The following CDH13 variants were observed in gnomAD, a reference collection of about 807,000 sequenced individuals.
CDH13 encodes the protein cadherin-13.
A neutral mutation model predicts 63.8 loss-of-function variants in CDH13; 24 were observed. The ratio of observed to expected loss-of-function variants is 0.38; its 90% CI spans 0.27 to 0.53. The LOEUF (loss-of-function observed/expected upper bound fraction) is 0.53, where lower values mean the gene tolerates loss of function less well. Ranked by LOEUF, CDH13 falls within the 20% of genes least tolerant of loss-of-function variation. The pLI, the probability that CDH13 is intolerant of heterozygous loss-of-function variation, is 0.85. For missense variants in CDH13, 1,049 were observed against 903.1 expected, an observed-to-expected ratio of 1.16 and a Z score of -2.07; for synonymous variants, 503 against 355.3, an observed-to-expected ratio of 1.42 and a Z score of -4.67.
intron 8 of CDH13, among the ~76,000 whole-genome samples, chr16:83,662,893 A>C (rs1913571839): frequency 6.6e-6 from 1 of 152,182 alleles, no homozygotes; most frequent in Non-Finnish European, 1.5e-5. Context: ...CGGAGGATTG[A>C]GAGCAGGACT....
chr16:83,365,194 G>C (rs1403607362), intron 6 of CDH13, among the ~76,000 whole-genome samples: 1 of 152,218 alleles, frequency 6.6e-6, no homozygotes, highest in Admixed American at 6.5e-5. Flanking sequence ...CTGAGAACCA[G>C]AGAGCTGATG....
chr16:82,904,707 C>T (rs974261387), intron 2 of CDH13, among the ~76,000 whole-genome samples: 5 of 152,284 alleles, frequency 3.3e-5, no homozygotes, highest in African/African-American at 9.6e-5. Flanking sequence ...CCTCTCCCAT[C>T]ACAGCATAAT....
At chr16:83,343,346 T>C (rs1293282840) in intron 5 of CDH13, among the ~76,000 whole-genome samples, 1 of 152,224 alleles carries the variant, frequency 6.6e-6, no homozygotes, top group Non-Finnish European at 1.5e-5. Flanking sequence ...TATTGTAATA[T>C]GTTGTTACAC....
chr16:82,969,653 C>G (rs1237225387), intron 2 of CDH13, among the ~76,000 whole-genome samples: 2 of 152,116 alleles, frequency 1.3e-5, no homozygotes, highest in Non-Finnish European at 2.9e-5. Flanking sequence ...CCTCTACACA[C>G]TGGATACCAC....
intron 2 of CDH13, among the ~76,000 whole-genome samples, chr16:82,937,990 A>T (rs538806069): frequency 6.6e-6 from 1 of 152,356 alleles, no homozygotes; most frequent in East Asian, 1.9e-4. Context: ...TAACCCTGTA[A>T]CAATGGAATT....
At chr16:83,313,666 A>AAAAAAAAAT (rs1555528954) in intron 5 of CDH13, among the ~76,000 whole-genome samples, 8 of 144,208 alleles carry the variant, frequency 5.5e-5, no homozygotes, top group Non-Finnish European at 4.6e-5. Context: ...AAAAAAAAAA[A>AAAAAAAAAT]GGGAGGTCCT....
intron 3 of CDH13, among the ~76,000 whole-genome samples, chr16:83,104,896 A>T (rs1490720641): frequency 6.6e-6 from 1 of 152,228 alleles, no homozygotes; most frequent in Non-Finnish European, 1.5e-5. Context: ...AGTTCTGGCA[A>T]TGAGTGCTTC....
At chr16:83,283,913 G>A (rs904331128) in intron 5 of CDH13, among the ~76,000 whole-genome samples, 1 of 151,910 alleles carries the variant, frequency 6.6e-6, no homozygotes, top group African/African-American at 2.4e-5. Flanking sequence ...TTACATTTTT[G>A]TAATGTGTGT....
intron 2 of CDH13, among the ~76,000 whole-genome samples, chr16:83,010,982 C>T (rs531523698): frequency 2.6e-5 from 4 of 152,290 alleles, no homozygotes; most frequent in East Asian, 3.9e-4. Context: ...ACTTCTAATG[C>T]GTAGAACATG....
chr16:83,106,459 A>C (rs2034769706), intron 3 of CDH13, among the ~76,000 whole-genome samples: 1 of 152,182 alleles, frequency 6.6e-6, no homozygotes, highest in Admixed American at 6.5e-5. Context: ...GAGAATAACT[A>C]GAATCCAGGA....
chr16:83,170,610 A>G (rs1464911866), intron 4 of CDH13, among the ~76,000 whole-genome samples: 1 of 152,148 alleles, frequency 6.6e-6, no homozygotes, highest in Non-Finnish European at 1.5e-5. Context: ...CTTCAAAGAT[A>G]TTTTAGTGAG....
chr16:83,340,389 A>G (rs1480816490), intron 5 of CDH13, among the ~76,000 whole-genome samples: 1 of 151,976 alleles, frequency 6.6e-6, no homozygotes, highest in African/African-American at 2.4e-5. Flanking sequence ...TGGCCTGTGT[A>G]CTTGGGAGTG....
At chr16:83,466,337 T>C (rs868705101) in intron 6 of CDH13, among the ~76,000 whole-genome samples, 1 of 152,144 alleles carries the variant, frequency 6.6e-6, no homozygotes, top group African/African-American at 2.4e-5. Context: ...TATTAGGGGC[T>C]TACATCCAGG....
chr16:83,442,006 C>T (rs943568441), intron 6 of CDH13, among the ~76,000 whole-genome samples: 10 of 152,078 alleles, frequency 6.6e-5, no homozygotes, highest in South Asian at 2.1e-4. Context: ...CAGGTCACAC[C>T]ATAAGAGCTG....
At chr16:82,787,067 T>C (rs1669634627) in intron 1 of CDH13, among the ~76,000 whole-genome samples, 1 of 152,204 alleles carries the variant, frequency 6.6e-6, no homozygotes, top group African/African-American at 2.4e-5. Flanking sequence ...TAAAGTAACA[T>C]ATAATTCACC....
intron 7 of CDH13, among the ~76,000 whole-genome samples, chr16:83,597,442 T>G (rs1222912264): frequency 6.6e-6 from 1 of 152,200 alleles, no homozygotes; most frequent in Non-Finnish European, 1.5e-5. Context: ...TATATAAATG[T>G]GTATATTAAA....
chr16:83,110,126 A>C (rs2034988896), intron 3 of CDH13, among the ~76,000 whole-genome samples: 1 of 152,204 alleles, frequency 6.6e-6, no homozygotes, highest in South Asian at 2.1e-4. Flanking sequence ...AACTTTTCAA[A>C]TATAGAGCTG....
At chr16:83,070,818 A>T (rs2032374577) in intron 3 of CDH13, among the ~76,000 whole-genome samples, 1 of 151,784 alleles carries the variant, frequency 6.6e-6, no homozygotes, top group Non-Finnish European at 1.5e-5. Flanking sequence ...ATAGTATATA[A>T]ATCAGGCAGG....
At chr16:83,163,276 G>T (rs2037523992) in intron 4 of CDH13, among the ~76,000 whole-genome samples, 1 of 151,900 alleles carries the variant, frequency 6.6e-6, no homozygotes, top group African/African-American at 2.4e-5. Context: ...GCAAAAAATG[G>T]ACTAATACAC....
Sources: gnomAD v4.1 joint callset for allele counts (sites outside exome capture counted in the v4.1 genomes callset) on GRCh38, gnomAD v4.1.1 for gene constraint, MANE v1.5 for transcripts, NCBI Gene and HGNC (gene_info 2026-07-23, HGNC 2026-07-21) for gene names.